The following SLC16A4 variants were observed in gnomAD, a reference collection of about 807,000 sequenced individuals.
SLC16A4 encodes solute carrier family 16 member 4.
A neutral mutation model predicts 47.9 loss-of-function variants in SLC16A4; 39 were observed. The observed-to-expected ratio is 0.81, with a 90% confidence interval of 0.63 to 1.06. The LOEUF is 1.06. SLC16A4 is among the 50% of genes least tolerant of loss of function. The pLI is 0.00. For missense variants in SLC16A4, 524 were observed against 573.8 expected (o/e 0.91, Z 0.89); for synonymous variants, 189 against 199.9 (o/e 0.95, Z 0.46).
At position 110,379,105 on chromosome 1, in the gene SLC16A4, C is replaced by G; in HGVS notation, c.778G>C (p.Glu260Gln). 6.2e-7 allele frequency: 1 copy of G among 1,614,230 alleles called. No homozygotes were observed. The highest frequency in any genetic ancestry group is 8.5e-7 in the Non-Finnish European group (1 of 1,180,048). Reference protein sequence around the residue: ...KNLTVSQNQSEEFYNGPNRNR... With the variant: ...KNLTVSQNQSQEFYNGPNRNR... ...CTGTTAGGCCCATTGTAGAACTCTT[C>G]ACTTTGATTTTGTGAGACTGTTAAA... Residue 260 changes from glutamate to glutamine, a missense_variant, in exon 6 of 9, where the codon GAA becomes CAA. Physicochemically the swap from Glu to Gln is conservative, Grantham distance 29. Coordinates refer to ENST00000369779, the MANE Select transcript of SLC16A4 (RefSeq NM_004696.3).
chr1:110,384,836 C>T (rs1662646257), intron 2 of SLC16A4, among the ~76,000 whole-genome samples: 1 of 152,236 alleles, frequency 6.6e-6, no homozygotes, highest in East Asian at 1.9e-4. Flanking sequence ...CATGGCGAAA[C>T]CCCGTCTCTA....
intron 3 of SLC16A4, among the ~76,000 whole-genome samples, chr1:110,382,458 C>CAA (rs200469040): frequency 1.5e-5 from 2 of 137,062 alleles, no homozygotes; most frequent in Non-Finnish European, 1.6e-5. Flanking sequence ...GACTGTGTCT[C>CAA]AAAAAAAAAA....
In SLC16A4 at chr1:110,363,558, GGAGATTACAGTGAGCC is replaced by G. The variant is rs1661195081; in HGVS notation, c.*192_*207del. On this transcript the variant is annotated 3_prime_UTR_variant, in exon 9 of 9. Transcript: ENST00000369779. ...GGAGAATCCCTTGAACCCAGGAGGC[GGAGATTACAGTGAGCC>G]GAGATTGCGCCACTGCACTCCAGCC... The G allele has an allele frequency of 6.2e-6, 2 of 320,724 alleles. No homozygotes were observed. The highest frequency in any genetic ancestry group is 4.6e-5 in the South Asian group (1 of 21,708). The allele number at this position is 320,724 out of a possible 1,614,324, so 19.9% of individuals were successfully genotyped here.
chr1:110,370,040 G>A (rs1283906498), intron 8 of SLC16A4: 2 of 152,112 alleles, frequency 1.3e-5, no homozygotes, highest in African/African-American at 4.8e-5. Context: ...TGTGGAAGCT[G>A]GATTCTTTGG....
chr1:110,384,083 A>G (rs1231494272), intron 2 of SLC16A4, among the ~76,000 whole-genome samples: 1 of 152,160 alleles, frequency 6.6e-6, no homozygotes, highest in Non-Finnish European at 1.5e-5. Flanking sequence ...TGGAACTGAG[A>G]TTTGAACCCA....
intron 2 of SLC16A4, among the ~76,000 whole-genome samples, chr1:110,386,370 T>G (rs918177963): frequency 1.1e-4 from 17 of 152,250 alleles, no homozygotes; most frequent in Non-Finnish European, 2.5e-4. Context: ...GCAGACTACA[T>G]AAATCTGCAT....
rs757206865 is a variant in SLC16A4 at position 110,379,238 on chromosome 1, C to A, written c.645G>T (p.Leu215Phe). The change falls in exon 6 of 9, where the codon TTG (leucine) becomes TTT (phenylalanine). Residue 215 changes from leucine to phenylalanine, a missense_variant. Physicochemically the swap from Leu to Phe is conservative, Grantham distance 22 (BLOSUM62 0). Coordinates refer to ENST00000369779, the MANE Select transcript of SLC16A4 (RefSeq NM_004696.3). ...CATGTGCCTCTGGACCATGTGCAGA[C>A]AAACTGCTGCCTTTATCTTTAATAC... ...NSGIKDKGSS[L>F]SAHGPEAHAT... The A allele has an allele frequency of 8.7e-6, 14 of 1,614,194 alleles. No individual in the cohort carries two copies. In the East Asian group the frequency reaches 1.3e-4, roughly 15 times the overall value.
chr1:110,365,127 T>C (rs1661310185), intron 8 of SLC16A4, among the ~76,000 whole-genome samples: 1 of 152,082 alleles, frequency 6.6e-6, no homozygotes, highest in East Asian at 1.9e-4. Context: ...TCTGATCACT[T>C]ATTCAAGAAA....
At chr1:110,377,241 TATG>T in intron 6 of SLC16A4, 80 bp from the exon 7 acceptor site, 1 of 1,170,126 alleles carries the variant, frequency 8.5e-7, no homozygotes, top group Non-Finnish European at 1.2e-6. Flanking sequence ...TCCCAAGTAA[TATG>T]ATCTCATCCT....
chr1:110,375,592 A>G, intron 7 of SLC16A4, 41 bp from the exon 8 acceptor site: 1 of 1,127,532 alleles, frequency 8.9e-7, no homozygotes, highest in Non-Finnish European at 1.4e-6. Flanking sequence ...ATTAAGGGTG[A>G]AATTCTATAG....
chr1:110,379,181 C>T lies in SLC16A4; in HGVS notation c.702G>A (p.Glu234=), dbSNP rs774627793. ...ATETHCHETE[E]STIKDSTTQK... ...GCGTAGTACTGTCCTTGATGGTAGA[C>T]TCTTCTGTCTCATGGCAGTGTGTTT... Residue 234 remains glutamate, a synonymous_variant, in exon 6 of 9, where the codon GAG becomes GAA. Transcript: ENST00000369779. 6.2e-7 allele frequency: 1 copy of T among 1,614,032 alleles called. No individual in the cohort carries two copies. The highest frequency in any genetic ancestry group is 1.3e-5 in the African/African-American group (1 of 74,912).
Position 110,363,838 on chromosome 1 carries a change from T to C in SLC16A4, c.1392A>G (p.Ile464Met), listed in dbSNP as rs893811075. 4 of 1,613,318 alleles carry C rather than the reference T, an allele frequency of 2.5e-6. No individual in the cohort carries two copies. In the Admixed American group the frequency reaches 6.7e-5, roughly 27 times the overall value. ...AGGAAACTGAAGAGAGGAGATAGCA[T>C]ATGCCAGAGAAGTAGAAAGAGCCAT... ...TYNGSFYFSG[I>M]CYLLSSVSFF... The change falls in exon 9 of 9, where the codon ATA becomes ATG. Residue 464 changes from isoleucine (I) to methionine (M), a missense_variant. Transcript: ENST00000369779.
At chr1:110,365,642 T>G (rs1452165162) in intron 8 of SLC16A4, among the ~76,000 whole-genome samples, 1 of 152,194 alleles carries the variant, frequency 6.6e-6, no homozygotes, top group African/African-American at 2.4e-5. Flanking sequence ...GTCTCTGAAC[T>G]CTTGTAGACA....
In SLC16A4 at chr1:110,390,917, A is replaced by C. The variant is rs1013543965; in HGVS notation, c.-85T>G. ...CCTCCACAGATGGGGCAATTAAGGA[A>C]GAAAAATAAATTACACCGTTTTCTG... is the stretch of plus-strand genomic sequence containing the variant. On this transcript the variant is annotated 5_prime_UTR_variant, in exon 1 of 9. Transcript: ENST00000369779. 6 of 152,236 alleles carry C rather than the reference A, an allele frequency of 3.9e-5. No individual in the cohort carries two copies. Among genetic ancestry groups the C allele is most frequent in the Admixed American group, 2.0e-4 (3 of 15,286 alleles). 9.4% of individuals were successfully genotyped at this position (152,236 alleles called of 1,614,324 possible). A position where few individuals can be genotyped will look rare whatever the true frequency, so the allele number is the denominator to read the frequency against.
At chr1:110,381,503 T>C in intron 4 of SLC16A4, 149 bp downstream of exon 4, 1 of 730,228 alleles carries the variant, frequency 1.4e-6, no homozygotes, top group South Asian at 2.1e-5. Context: ...TTTGTATTTT[T>C]AGTAGAGACA....
chr1:110,382,633 G>C (rs998789298), intron 3 of SLC16A4, among the ~76,000 whole-genome samples: 6 of 152,090 alleles, frequency 3.9e-5, no homozygotes, highest in African/African-American at 1.4e-4. Flanking sequence ...AGCTTTCTTT[G>C]TTTGAATGCT....
At chr1:110,378,243 T>G (rs368637571) in intron 6 of SLC16A4, among the ~76,000 whole-genome samples, 14 of 152,360 alleles carry the variant, frequency 9.2e-5, no homozygotes, top group Admixed American at 4.6e-4. Flanking sequence ...AGGGGAAAAT[T>G]CCTTAGCTAC....
At position 110,389,618 on chromosome 1, in the gene SLC16A4, T is replaced by G. The variant is rs184523881; in HGVS notation, c.-32-263A>C. Among the ~76,000 whole-genome samples the G allele has an allele frequency of 4.6e-5, 7 of 152,322 alleles. No homozygotes were observed. The East Asian group carries it at 1.3e-3, about 29-fold the overall frequency. ...ATGCACTTTTATGTTCACTGCAGCA[T>G]TATTCACAATAGCAAAGACATGGAA... On this transcript the variant is annotated intron_variant, in intron 1 of 8. Coordinates refer to ENST00000369779, the MANE Select transcript of SLC16A4 (RefSeq NM_004696.3).
At chr1:110,375,315 G>A in intron 8 of SLC16A4, 143 bp downstream of exon 8, 2 of 626,986 alleles carry the variant, frequency 3.2e-6, no homozygotes, top group Admixed American at 2.8e-5. Flanking sequence ...CTGCATTGGT[G>A]GTGGAGTGAG....
Sources: gnomAD v4.1 joint callset for allele counts (sites outside exome capture counted in the v4.1 genomes callset) on GRCh38, gnomAD v4.1.1 for gene constraint, MANE v1.5 for transcripts, NCBI Gene and HGNC (gene_info 2026-07-23, HGNC 2026-07-21) for gene names.